MEF2A: variants seen among roughly 807,000 people sequenced by gnomAD.
MEF2A encodes myocyte-specific enhancer factor 2A.
MEF2A carries 28 observed loss-of-function variants against 55.8 expected under a neutral mutation model. The ratio of observed to expected loss-of-function variants is 0.50; its 90% CI spans 0.37 to 0.69. MEF2A has a LOEUF of 0.69. MEF2A is among the 30% of genes least tolerant of loss of function. The probability of loss-of-function intolerance (pLI) is 0.00; values close to 1 mark genes in which losing one functional copy is unlikely to be tolerated. For synonymous variants in MEF2A, 239 were observed against 227.1 expected (o/e 1.05, Z -0.47); for missense variants, 528 against 626.2 (o/e 0.84, Z 1.67).
At chr15:99,607,527 A>G (rs1000583684) in intron 2 of MEF2A, among the ~76,000 whole-genome samples, 1 of 152,222 alleles carries the variant, frequency 6.6e-6, no homozygotes, top group Non-Finnish European at 1.5e-5. Context: ...GATTATTTCT[A>G]GTAATGATAA....
rs541614113 is a variant in MEF2A at position 99,567,226 on chromosome 15, C to A, written c.-225+1122C>A. On this transcript the variant is annotated intron_variant, in intron 1 of 11. Coordinates refer to ENST00000557942, the MANE Select transcript of MEF2A (RefSeq NM_001319206.4). ...AGTGAGATTGGGATTCCAATAAATGCCCTATTAGAAAGGCCTGCTGTGATG... is the reference window on the plus strand; with the variant it reads ...AGTGAGATTGGGATTCCAATAAATGACCTATTAGAAAGGCCTGCTGTGATG... 2.0e-5 allele frequency among the ~76,000 whole-genome samples: 3 copies of A among 152,270 alleles called. No homozygotes were observed. The East Asian group carries it at 5.8e-4, about 29-fold the overall frequency.
intron 8 of MEF2A, among the ~76,000 whole-genome samples, chr15:99,698,792 C>CAAA (rs555279717): frequency 9.5e-5 from 13 of 137,534 alleles, no homozygotes; most frequent in African/African-American, 3.5e-4. Flanking sequence ...AACTCTGTCT[C>CAAA]AAAAAAAAAA....
chr15:99,685,704 A>G (rs1842491770), intron 7 of MEF2A, among the ~76,000 whole-genome samples: 1 of 152,074 alleles, frequency 6.6e-6, no homozygotes, highest in African/African-American at 2.4e-5. Context: ...ATGCTGTTGG[A>G]TTCGGTCACC....
chr15:99,593,083 A>G (rs1969899830), intron 1 of MEF2A, among the ~76,000 whole-genome samples: 1 of 152,096 alleles, frequency 6.6e-6, no homozygotes, highest in Non-Finnish European at 1.5e-5. Flanking sequence ...TAAAACTTAC[A>G]TTTTAGGTTC....
intron 1 of MEF2A, among the ~76,000 whole-genome samples, chr15:99,568,821 A>C (rs8027544): frequency 3.9e-5 from 6 of 152,122 alleles, no homozygotes; most frequent in Non-Finnish European, 1.5e-5. Context: ...ATCAGACCAT[A>C]CCCCGGTTAC....
At position 99,712,714 on chromosome 15, in the gene MEF2A, T is replaced by C; in HGVS notation, c.1461T>C (p.Thr487=). The C allele has an allele frequency of 5.1e-6, 8 of 1,565,680 alleles. No individual in the cohort carries two copies. Among genetic ancestry groups the C allele is most frequent in the Non-Finnish European group, 6.9e-6 (8 of 1,154,982 alleles). The change falls in exon 12 of 12, where the codon ACT becomes ACC. Residue 487 remains threonine, a synonymous_variant. Coordinates refer to ENST00000557942, the MANE Select transcript of MEF2A (RefSeq NM_001319206.4). This position sits in a 1 kb window ranked among gnomAD's most constrained non-coding sequence, Gnocchi z 4.1. The stretch of plus-strand genomic sequence containing the variant: ...TTGTGCTTGGCCGACCCCCAAACAC[T>C]GAGGACAGAGAAAGCCCTTCTGTAA... ...SPIVLGRPPN[T]EDRESPSVKR...
intron 2 of MEF2A, among the ~76,000 whole-genome samples, chr15:99,615,810 C>T (rs1222758776): frequency 6.6e-6 from 1 of 152,160 alleles, no homozygotes; most frequent in Admixed American, 6.5e-5. Flanking sequence ...ACACGTTGTA[C>T]TATAGGTGAT....
intron 3 of MEF2A, 70 bp from the exon 4 acceptor site, chr15:99,645,491 C>A (rs1314734443): frequency 1.8e-6 from 2 of 1,139,024 alleles, no homozygotes; most frequent in African/African-American, 1.6e-5. Flanking sequence ...GAAGAAGATT[C>A]ATCTTCAGAT....
intron 1 of MEF2A, among the ~76,000 whole-genome samples, chr15:99,574,514 T>A (rs899354010): frequency 2.6e-5 from 4 of 152,184 alleles, no homozygotes; most frequent in Non-Finnish European, 5.9e-5. Flanking sequence ...GGGTCCCATC[T>A]TGGGGTGATG....
At position 99,712,355 on chromosome 15, in the gene MEF2A, C is replaced by T; in HGVS notation, c.1137-35C>T. On this transcript the variant is annotated intron_variant, in intron 11 of 11. Transcript: ENST00000557942. This position sits in a 1 kb window ranked among gnomAD's most constrained non-coding sequence, Gnocchi z 4.1. Reference sequence around the variant, plus strand: ...CATCCCAGTTTTGCAGAGGTACTTGCAAGCCATCTGACCTCTCTCTTTTTT... The same window carrying T: ...CATCCCAGTTTTGCAGAGGTACTTGTAAGCCATCTGACCTCTCTCTTTTTT... 2 of 1,492,156 alleles carry T rather than the reference C, an allele frequency of 1.3e-6. No homozygotes were observed. The highest frequency in any genetic ancestry group is 1.3e-5 in the South Asian group (1 of 74,578). The allele number at this position is 1,492,156 out of a possible 1,614,324, so 92.4% of individuals were successfully genotyped here.
In MEF2A at chr15:99,587,845, T is replaced by A. The variant is rs535758891; in HGVS notation, c.-224-10585T>A. ...CAGTTACTTTATTGTAGTTTTTTTTTGTTTTTTACTGTGTGTGATGTTTGT... is the reference window on the plus strand; with the variant it reads ...CAGTTACTTTATTGTAGTTTTTTTTAGTTTTTTACTGTGTGTGATGTTTGT... On this transcript the variant is annotated intron_variant, in intron 1 of 11. Coordinates refer to ENST00000557942, the MANE Select transcript of MEF2A (RefSeq NM_001319206.4). Among the ~76,000 whole-genome samples, 8 of 152,296 alleles carry A rather than the reference T, an allele frequency of 5.3e-5. No homozygotes were observed. The South Asian group carries it at 1.7e-3, about 32-fold the overall frequency.
At chr15:99,607,825 C>G (rs1975695880) in intron 2 of MEF2A, among the ~76,000 whole-genome samples, 1 of 152,144 alleles carries the variant, frequency 6.6e-6, no homozygotes, top group South Asian at 2.1e-4. Context: ...TGGAGGGGCT[C>G]TCCTCTTAAC....
Position 99,714,092 on chromosome 15 carries a change from G to A in MEF2A, c.*1321G>A, listed in dbSNP as rs1248540736. 6.6e-6 allele frequency: 1 copy of A among 152,188 alleles called. No individual in the cohort carries two copies. The highest frequency in any genetic ancestry group is 1.5e-5 in the Non-Finnish European group (1 of 68,036). The allele number at this position is 152,188 out of a possible 1,614,324, so 9.4% of individuals were successfully genotyped here. On this transcript the variant is annotated 3_prime_UTR_variant, in exon 12 of 12. Transcript: ENST00000557942. ...AGGGGTTTCTCCCCTCACTGGTGGT[G>A]AATGTGTGATGTTACATTGTAATCT...
At chr15:99,647,886 T>C (rs1323296631) in intron 4 of MEF2A, among the ~76,000 whole-genome samples, 1 of 152,176 alleles carries the variant, frequency 6.6e-6, no homozygotes, top group African/African-American at 2.4e-5. Flanking sequence ...ACTTCTTGTA[T>C]ATTAATGTCT....
chr15:99,637,383 C>G (rs896078817), intron 3 of MEF2A, among the ~76,000 whole-genome samples: 1 of 152,098 alleles, frequency 6.6e-6, no homozygotes, highest in African/African-American at 2.4e-5. Flanking sequence ...AAGTCTTCTA[C>G]ATTTTTGTTA....
At chr15:99,680,544 A>C (rs1012429619) in intron 7 of MEF2A, among the ~76,000 whole-genome samples, 2 of 152,216 alleles carry the variant, frequency 1.3e-5, no homozygotes, top group African/African-American at 4.8e-5. Flanking sequence ...CTCCAAGCCC[A>C]CTAATCCCAT....
intron 2 of MEF2A, among the ~76,000 whole-genome samples, chr15:99,600,901 A>G (rs1036168891): frequency 6.6e-6 from 1 of 152,068 alleles, no homozygotes; most frequent in East Asian, 1.9e-4. Context: ...CTTTCTATGT[A>G]GTTTAGAATC....
chr15:99,566,907 C>T (rs1239731468), intron 1 of MEF2A, among the ~76,000 whole-genome samples: 1 of 152,232 alleles, frequency 6.6e-6, no homozygotes, highest in African/African-American at 2.4e-5. Flanking sequence ...CCCCTGCCAT[C>T]CGGCTAGATC....
rs145372775 is a variant in MEF2A, at chr15:99,592,242, C to G, written c.-224-6188C>G. 5.2e-3 allele frequency among the ~76,000 whole-genome samples: 791 copies of G among 152,184 alleles called. 2 individuals are homozygous for G. Among genetic ancestry groups the G allele is most frequent in the Non-Finnish European group, 9.0e-3 (609 of 67,996 alleles). On this transcript the variant is annotated intron_variant, in intron 1 of 11. Coordinates refer to ENST00000557942, the MANE Select transcript of MEF2A (RefSeq NM_001319206.4). ...TTTTCTACTGATTGCCCAGGTTTCT[C>G]TGGGTGGAACTTGAACATTCTGCAG...
Sources: allele counts gnomAD v4.1 joint callset (sites outside exome capture counted in the v4.1 genomes callset), GRCh38; gene constraint gnomAD v4.1.1; non-coding constraint Gnocchi (gnomAD v3.1); transcripts MANE v1.5; gene names NCBI Gene and HGNC (gene_info 2026-07-23, HGNC 2026-07-21).